Variants in MYBPH observed in about 807,000 individuals in gnomAD.
MYBPH encodes myosin-binding protein H.
In MYBPH, 49 loss-of-function variants were observed where a neutral mutation model predicts 53.6. That is an observed-to-expected ratio of 0.91 (90% CI 0.73 to 1.16). The LOEUF is 1.16. Ranked by LOEUF, MYBPH falls within the 50% of genes most tolerant of loss-of-function variation. MYBPH has a pLI of 0.00. For missense variants in MYBPH, 558 were observed against 624.1 expected (o/e 0.89, Z 1.13); for synonymous variants, 239 against 249.6 (o/e 0.96, Z 0.40).
intron 9 of MYBPH, 107 bp from the exon 10 acceptor site, chr1:203,168,782 A>T (rs879330648): frequency 6.3e-7 from 1 of 1,591,350 alleles, no homozygotes; most frequent in African/African-American, 1.3e-5. Flanking sequence ...TTGGAAAGTA[A>T]TCAGCACAGC....
In MYBPH at chr1:203,171,580, T is replaced by C; in HGVS notation, c.598-2A>G. 1.2e-6 allele frequency: 2 copies of C among 1,610,090 alleles called. No homozygotes were observed. Among genetic ancestry groups the C allele is most frequent in the Non-Finnish European group, 1.7e-6 (2 of 1,178,882 alleles). On this transcript the variant is annotated splice_acceptor_variant, in intron 4 of 10. Transcript: ENST00000255416. LOFTEE classifies it high-confidence loss of function. The surrounding 1 kb of genome is among the most constrained non-coding windows in gnomAD (Gnocchi z 4.2). ...TGTGGCCTGAGGCTTAGGCTTCCCC[T>C]GGCAGGGAGGAGCCCCCAGGGTGAG...
At chr1:203,172,160 C>T in intron 3 of MYBPH, 120 bp from the exon 4 acceptor site, 2 of 555,738 alleles carry the variant, frequency 3.6e-6, no homozygotes, top group East Asian at 7.0e-5. Context: ...CTGGGTGTGC[C>T]TGGCTGCCAT....
In MYBPH at chr1:203,168,731, C is replaced by T. The variant is rs1216181433; in HGVS notation, c.1418-56G>A. 113 of 1,594,862 alleles carry T rather than the reference C, an allele frequency of 7.1e-5. 1 individual carries two copies. Among genetic ancestry groups the T allele is most frequent in the Non-Finnish European group, 9.2e-5 (108 of 1,170,100 alleles). On this transcript the variant is annotated intron_variant, in intron 9 of 10. Transcript: ENST00000255416. ...GGAAGTGGCGGGGAACTGGAAAGTT[C>T]ACGGTTATACACCCTCTTCTACACC...
intron 6 of MYBPH, among the ~76,000 whole-genome samples, chr1:203,170,738 G>A (rs539502164): frequency 6.6e-6 from 1 of 152,308 alleles, no homozygotes; most frequent in East Asian, 1.9e-4. Context: ...CAGGCCCTCA[G>A]CCCCCACCCT....
At chr1:203,178,600 G>A (rs952341749), upstream of MYBPH, among the ~76,000 whole-genome samples, 15 of 152,222 alleles carry the variant, frequency 9.9e-5, no homozygotes, top group African/African-American at 3.6e-4. Flanking sequence ...AGGGAGTGTT[G>A]GGATGAAAAG....
chr1:203,171,899 TG>T lies in MYBPH; in HGVS notation c.597+52del. 1.7e-6 allele frequency: 2 copies of T among 1,152,998 alleles called. No individual in the cohort carries two copies. The highest frequency in any genetic ancestry group is 2.3e-6 in the Non-Finnish European group (2 of 888,614). 71.4% of individuals were successfully genotyped at this position (1,152,998 alleles called of 1,614,324 possible). On this transcript the variant is annotated intron_variant, in intron 4 of 10. Transcript: ENST00000255416. The surrounding 1 kb of genome is among the most constrained non-coding windows in gnomAD (Gnocchi z 4.2). The stretch of plus-strand genomic sequence containing the variant: ...TGCCATCTCCCAGGCTCCCCTTAAA[TG>T]GGGGCCCTGGTTCCCACCCAGGCTG...
At chr1:203,174,642 G>A (rs1336405056) in intron 2 of MYBPH, 45 bp from the exon 3 acceptor site, 2 of 1,484,278 alleles carry the variant, frequency 1.3e-6, no homozygotes, top group Non-Finnish European at 1.8e-6. Flanking sequence ...TGTGGCCACA[G>A]GCGCCCCTCT....
Position 203,171,617 on chromosome 1 carries a change from GC to G in MYBPH, c.598-40del. 1 of 1,565,278 alleles carries G rather than the reference GC, an allele frequency of 6.4e-7. No homozygotes were observed. ...GCCCCCAGGGTGAGTGTAGGGAGGT[GC>G]CAGAGTCCCCACACCTCCTTAACTC... On this transcript the variant is annotated intron_variant, in intron 4 of 10. Transcript: ENST00000255416. The surrounding 1 kb of genome is among the most constrained non-coding windows in gnomAD (Gnocchi z 4.2).
chr1:203,172,722 G>A (rs1655724051), intron 3 of MYBPH, among the ~76,000 whole-genome samples: 1 of 152,150 alleles, frequency 6.6e-6, no homozygotes, highest in Non-Finnish European at 1.5e-5. Context: ...CCCTCATCTG[G>A]TCAGGGGCAA....
In MYBPH at chr1:203,171,369, C is replaced by T. The variant is rs369812627; in HGVS notation, c.793+14G>A. 6.8e-6 allele frequency: 11 copies of T among 1,607,866 alleles called. No individual in the cohort carries two copies. The African/African-American group carries it at 1.1e-4, about 16-fold the overall frequency. On this transcript the variant is annotated intron_variant, in intron 5 of 10. Transcript: ENST00000255416. The surrounding 1 kb of genome is among the most constrained non-coding windows in gnomAD (Gnocchi z 4.2). ...GGTCCCCCATGAGACAGCACTGTTC[C>T]CCTGGCTCCATACCAATCACCAGGA... is the stretch of plus-strand genomic sequence containing the variant.
chr1:203,173,045 G>A (rs774053936), intron 3 of MYBPH, among the ~76,000 whole-genome samples: 10 of 152,172 alleles, frequency 6.6e-5, no homozygotes, highest in Non-Finnish European at 1.0e-4. Flanking sequence ...CCTGGACAGG[G>A]CCCCCACTCT....
intron 9 of MYBPH, 77 bp from the exon 10 acceptor site, chr1:203,168,752 A>C: frequency 6.2e-7 from 1 of 1,603,540 alleles, no homozygotes; most frequent in Non-Finnish European, 8.5e-7. Context: ...ACCCTCTTCT[A>C]CACCTGTCCA....
At chr1:203,174,212 C>G (rs1655753923) in intron 3 of MYBPH, 1 of 727,308 alleles carries the variant, frequency 1.4e-6, no homozygotes, top group Non-Finnish European at 1.7e-6. Context: ...GGGGGCTGGA[C>G]CACTCAGGGA....
At chr1:203,172,172 G>T in intron 3 of MYBPH, 132 bp from the exon 4 acceptor site, 1 of 476,516 alleles carries the variant, frequency 2.1e-6, no homozygotes, top group Non-Finnish European at 3.4e-6. Flanking sequence ...GGCTGCCATG[G>T]GGTCCCTCCT....
chr1:203,168,957 C>A lies in MYBPH; in HGVS notation c.1366G>T (p.Ala456Ser). 2 of 1,614,036 alleles carry A rather than the reference C, an allele frequency of 1.2e-6. No homozygotes were observed. Among genetic ancestry groups the A allele is most frequent in the Non-Finnish European group, 1.7e-6 (2 of 1,180,032 alleles). ...GATGCCTCCCCCAGCACATTTATGG[C>A]CTTGCAGGTGTAGACCCCAGAATCA... ...PFDSGVYTCKAINVLGEASVD... is the reference protein window; with the variant it reads ...PFDSGVYTCKSINVLGEASVD... Residue 456 changes from alanine to serine, a missense_variant, in exon 9 of 11, where the codon GCC becomes TCC. Coordinates refer to ENST00000255416, the MANE Select transcript of MYBPH (RefSeq NM_004997.3).
In MYBPH at chr1:203,169,314, T is replaced by C; in HGVS notation, c.1169A>G (p.Asp390Gly). 6.2e-7 allele frequency: 1 copy of C among 1,613,360 alleles called. No homozygotes were observed. The highest frequency in any genetic ancestry group is 8.5e-7 in the Non-Finnish European group (1 of 1,179,650). Residue 390 changes from aspartate (D) to glycine (G), a missense_variant, in exon 8 of 11, where the codon GAC becomes GGC. By Grantham distance (94) the Asp-to-Gly change is moderately conservative. Transcript: ENST00000255416. ...EAPSFTQPLA[D>G]HTSTPGYSTQ... is the part of the protein sequence containing the mutation. Reference sequence around the variant, plus strand: ...GCTGTAGCCAGGGGTGGAGGTGTGGTCAGCCAGGGGCTGGGTGAATGAGGG... The same window carrying C: ...GCTGTAGCCAGGGGTGGAGGTGTGGCCAGCCAGGGGCTGGGTGAATGAGGG...
At position 203,170,276 on chromosome 1, in the gene MYBPH, C is replaced by T. The variant is rs201542619; in HGVS notation, c.1093+15G>A. The T allele has an allele frequency of 1.5e-5, 24 of 1,613,718 alleles. No individual in the cohort carries two copies. Among genetic ancestry groups the T allele is most frequent in the East Asian group, 2.2e-5 (1 of 44,878 alleles). On this transcript the variant is annotated intron_variant, in intron 7 of 10. Coordinates refer to ENST00000255416, the MANE Select transcript of MYBPH (RefSeq NM_004997.3). ...GGGAGAGAGTTAGCACAGCCAGCTC[C>T]GGGCCCAAACCCACCTGCCTTCTGG...
At position 203,171,293 on chromosome 1, in the gene MYBPH, TG is replaced by T; in HGVS notation, c.793+89del. ...AAATTTGGCTCTTGCCACACTCCCT[TG>T]GCCTGCTCCCATCAGCCATCAGCTC... On this transcript the variant is annotated intron_variant, in intron 5 of 10. Transcript: ENST00000255416. The surrounding 1 kb of genome is among the most constrained non-coding windows in gnomAD (Gnocchi z 4.2). 6.4e-7 allele frequency: 1 copy of T among 1,559,096 alleles called. No individual in the cohort carries two copies.
At position 203,169,057 on chromosome 1, in the gene MYBPH, G is replaced by A; in HGVS notation, c.1266C>T (p.Ile422=). The change falls in exon 9 of 11, where the codon ATC becomes ATT. Residue 422 remains isoleucine, a synonymous_variant. Coordinates refer to ENST00000255416, the MANE Select transcript of MYBPH (RefSeq NM_004997.3). ...KIIWMKNKME[I]QGNPKYRALS... ...GGGCGCGGTATTTGGGGTTGCCCTGGATCTCCATCTTGTTTTTCATCCAGA... is the reference window on the plus strand; with the variant it reads ...GGGCGCGGTATTTGGGGTTGCCCTGAATCTCCATCTTGTTTTTCATCCAGA... 1 of 1,614,004 alleles carries A rather than the reference G, an allele frequency of 6.2e-7. No homozygotes were observed. Among genetic ancestry groups the A allele is most frequent in the Non-Finnish European group, 8.5e-7 (1 of 1,180,030 alleles).
Sources: allele counts gnomAD v4.1 joint callset (sites outside exome capture counted in the v4.1 genomes callset), GRCh38; gene constraint gnomAD v4.1.1; non-coding constraint Gnocchi (gnomAD v3.1); transcripts MANE v1.5; gene names NCBI Gene and HGNC (gene_info 2026-07-23, HGNC 2026-07-21).